The following VWA3B variants were observed in gnomAD, a reference collection of about 807,000 sequenced individuals.
VWA3B encodes the protein von Willebrand factor A domain-containing protein 3B.
A neutral mutation model predicts 158.3 loss-of-function variants in VWA3B; 138 were observed. The observed-to-expected ratio is 0.87, with a 90% confidence interval of 0.76 to 1.00. VWA3B has a LOEUF of 1.00. VWA3B is among the 50% of genes least tolerant of loss of function. The pLI is 0.00. For synonymous variants in VWA3B, 596 were observed against 587.3 expected, an observed-to-expected ratio of 1.01 and a Z score of -0.21; for missense variants, 1,555 against 1,565.1, an observed-to-expected ratio of 0.99 and a Z score of 0.11.
chr2:98,192,876 T>G (rs1681711162), intron 10 of VWA3B, 22 bp from the exon 11 acceptor site: 1 of 1,614,028 alleles, frequency 6.2e-7, no homozygotes, highest in African/African-American at 1.3e-5. Context: ...CACCATTCAC[T>G]TTCAACCTAC....
intron 26 of VWA3B, among the ~76,000 whole-genome samples, chr2:98,308,315 C>T (rs542216128): frequency 2.6e-5 from 4 of 152,248 alleles, no homozygotes; most frequent in Admixed American, 6.5e-5. Context: ...ACAGTGTGTC[C>T]GATGGAGGGA....
intron 12 of VWA3B, among the ~76,000 whole-genome samples, chr2:98,203,413 G>T (rs1281244025): frequency 6.6e-6 from 1 of 152,032 alleles, no homozygotes; most frequent in Non-Finnish European, 1.5e-5. Flanking sequence ...GGCTATTCTT[G>T]GGCCTTTATT....
intron 7 of VWA3B, among the ~76,000 whole-genome samples, chr2:98,162,608 TACAA>T (rs1479982294): frequency 1.3e-5 from 2 of 152,252 alleles, no homozygotes; most frequent in Non-Finnish European, 1.5e-5. Flanking sequence ...TTCTGGCTGC[TACAA>T]ACATTTACTT....
rs139379523 is a variant in VWA3B at position 98,259,584 on chromosome 2, A to G, written c.2843+3410A>G. Among the ~76,000 whole-genome samples, 338 of 151,820 alleles carry G rather than the reference A, an allele frequency of 2.2e-3. 3 individuals carry two copies. The highest frequency in any genetic ancestry group is 7.6e-3 in the African/African-American group (317 of 41,490). On this transcript the variant is annotated intron_variant, in intron 21 of 27. Transcript: ENST00000477737. Reference sequence around the variant, plus strand: ...TTTTATTTTTGTAAGCTGAATTAGTAATGTGCCTGCTTTCACTTCTGATAG... The same window carrying G: ...TTTTATTTTTGTAAGCTGAATTAGTGATGTGCCTGCTTTCACTTCTGATAG...
rs142994617 is a variant in VWA3B at position 98,221,030 on chromosome 2, T to C, written c.2019+3002T>C. 5.9e-5 allele frequency among the ~76,000 whole-genome samples: 9 copies of C among 152,122 alleles called. No individual in the cohort carries two copies. The East Asian group carries it at 1.7e-3, about 29-fold the overall frequency. On this transcript the variant is annotated intron_variant, in intron 14 of 27. Transcript: ENST00000477737. ...AATAGCTAATGCATGTGGGGCTTAA[T>C]ACCTAGGTGACAGGTTGATAGGTGC...
intron 8 of VWA3B, chr2:98,179,366 C>A (rs1278626215): frequency 2.1e-6 from 1 of 470,188 alleles, no homozygotes; most frequent in Middle Eastern, 3.3e-4. Flanking sequence ...GAAAACACCA[C>A]GAGAATGTGC....
Position 98,121,391 on chromosome 2 carries a change from C to T in VWA3B, c.635C>T (p.Thr212Met), listed in dbSNP as rs75780325. ...GCCATCAGTTGGGTTGAGAAACTGA[C>T]GGTTGAGCTGACTGTGAGCGAGGCT... ...ATAISWVEKL[T>M]VELTVSEAGR... Residue 212 changes from threonine to methionine, a missense_variant, in exon 5 of 28, where the codon ACG (threonine) becomes ATG (methionine). Thr to Met is a moderately conservative substitution (Grantham distance 81). Coordinates refer to ENST00000477737, the MANE Select transcript of VWA3B (RefSeq NM_144992.5). The T allele has an allele frequency of 4.7e-4, 759 of 1,614,174 alleles. 5 individuals are homozygous for T. In the African/African-American group the frequency reaches 8.9e-3, roughly 19 times the overall value.
chr2:98,129,544 G>C (rs1280481356), intron 6 of VWA3B, among the ~76,000 whole-genome samples: 1 of 152,108 alleles, frequency 6.6e-6, no homozygotes, highest in Non-Finnish European at 1.5e-5. Flanking sequence ...TTTTTGGCTT[G>C]GGATTGGGGG....
chr2:98,208,892 G>A (rs562785354), intron 12 of VWA3B, among the ~76,000 whole-genome samples: 23 of 151,860 alleles, frequency 1.5e-4, no homozygotes, highest in African/African-American at 5.3e-4. Flanking sequence ...CTTTCTATAT[G>A]GAAAGCTTTC....
At chr2:98,285,260 C>G (rs1318498272) in intron 22 of VWA3B, among the ~76,000 whole-genome samples, 2 of 152,084 alleles carry the variant, frequency 1.3e-5, no homozygotes, top group Non-Finnish European at 2.9e-5. Context: ...TTTGCCTTTT[C>G]TATGCATTTT....
At chr2:98,312,102 G>A in intron 27 of VWA3B, 70 bp downstream of exon 27, 1 of 1,610,454 alleles carries the variant, frequency 6.2e-7, no homozygotes. Context: ...TTCAAGAATA[G>A]TACACCTAAC....
intron 12 of VWA3B, among the ~76,000 whole-genome samples, chr2:98,204,612 C>T (rs1278462318): frequency 6.6e-6 from 1 of 152,092 alleles, no homozygotes; most frequent in Non-Finnish European, 1.5e-5. Context: ...ATTAAATTTG[C>T]TAATATTTGT....
chr2:98,146,912 G>C (rs1245960841), intron 7 of VWA3B, among the ~76,000 whole-genome samples: 3 of 152,198 alleles, frequency 2.0e-5, no homozygotes, highest in Non-Finnish European at 2.9e-5. Flanking sequence ...GGAACCTGAT[G>C]TCTTCATCAA....
At chr2:98,141,387 G>A (rs1298136696) in intron 7 of VWA3B, among the ~76,000 whole-genome samples, 1 of 152,164 alleles carries the variant, frequency 6.6e-6, no homozygotes, top group Non-Finnish European at 1.5e-5. Context: ...ACTTCCGAAA[G>A]CCTTTTAAAT....
intron 7 of VWA3B, among the ~76,000 whole-genome samples, chr2:98,156,401 T>C (rs1678077625): frequency 6.6e-6 from 1 of 152,080 alleles, no homozygotes; most frequent in African/African-American, 2.4e-5. Context: ...TCTACGTGAG[T>C]GATATCCAGT....
chr2:98,233,548 A>G (rs1221175069), intron 16 of VWA3B, among the ~76,000 whole-genome samples: 4 of 152,194 alleles, frequency 2.6e-5, no homozygotes, highest in African/African-American at 4.8e-5. Flanking sequence ...TCTCACAGAC[A>G]TAGCTTCTAA....
intron 12 of VWA3B, among the ~76,000 whole-genome samples, chr2:98,204,510 C>T (rs1682849542): frequency 6.6e-6 from 1 of 152,132 alleles, no homozygotes; most frequent in African/African-American, 2.4e-5. Flanking sequence ...AATTGATATG[C>T]TCATATGATT....
At chr2:98,225,187 G>A (rs550091001) in intron 14 of VWA3B, among the ~76,000 whole-genome samples, 20 of 152,304 alleles carry the variant, frequency 1.3e-4, no homozygotes, top group Admixed American at 8.5e-4. Flanking sequence ...ACCTGCCTTG[G>A]CTTCCCAATG....
intron 8 of VWA3B, among the ~76,000 whole-genome samples, chr2:98,174,477 C>G (rs1193533805): frequency 6.6e-6 from 1 of 152,186 alleles, no homozygotes; most frequent in Non-Finnish European, 1.5e-5. Context: ...CTCAGTTCTT[C>G]CTCAGTGGGA....
Sources: allele counts gnomAD v4.1 joint callset (sites outside exome capture counted in the v4.1 genomes callset), GRCh38; gene constraint gnomAD v4.1.1; transcripts MANE v1.5; gene names NCBI Gene and HGNC (gene_info 2026-07-23, HGNC 2026-07-21).